The following EPHA6 variants were observed in gnomAD, a reference collection of about 807,000 sequenced individuals.
EPHA6 encodes the protein EPH receptor A6, also known as ephrin type-A receptor 6.
Under a neutral mutation model 112.0 loss-of-function variants are expected in EPHA6, and 50 were observed. That is an observed-to-expected ratio of 0.45 (90% CI 0.36 to 0.56). EPHA6 has a LOEUF of 0.56. Among genes scored for constraint, EPHA6 ranks in the 20% least tolerant of loss-of-function variants. The probability of loss-of-function intolerance (pLI) is 0.00; values close to 1 mark genes in which losing one functional copy is unlikely to be tolerated. For missense variants in EPHA6, 1,280 were observed against 1,417.4 expected (o/e 0.90, Z 1.56); for synonymous variants, 529 against 490.7 (o/e 1.08, Z -1.03).
intron 2 of EPHA6, among the ~76,000 whole-genome samples, chr3:96,952,093 C>G (rs998110743): frequency 6.6e-6 from 1 of 152,066 alleles, no homozygotes; most frequent in Non-Finnish European, 1.5e-5. Context: ...GGTACTTGTC[C>G]TCTTGTTCTC....
At chr3:97,297,694 A>G (rs2080924750) in intron 5 of EPHA6, among the ~76,000 whole-genome samples, 2 of 152,206 alleles carry the variant, frequency 1.3e-5, no homozygotes, top group African/African-American at 4.8e-5. Flanking sequence ...CATGGGAATG[A>G]TATGTTGAAG....
At chr3:96,981,886 G>A (rs1005764030) in intron 2 of EPHA6, among the ~76,000 whole-genome samples, 1 of 152,020 alleles carries the variant, frequency 6.6e-6, no homozygotes, top group Admixed American at 6.6e-5. Context: ...CATTTCTGTG[G>A]GATCAGTGGT....
intron 8 of EPHA6, among the ~76,000 whole-genome samples, chr3:97,477,572 A>C (rs1480431250): frequency 6.6e-6 from 1 of 152,048 alleles, no homozygotes; most frequent in African/African-American, 2.4e-5. Flanking sequence ...AAAAAAGAAA[A>C]TAAAAGTATT....
intron 2 of EPHA6, among the ~76,000 whole-genome samples, chr3:96,941,634 C>T (rs2040955561): frequency 6.6e-6 from 1 of 152,214 alleles, no homozygotes; most frequent in South Asian, 2.1e-4. Context: ...TGTTCCATTG[C>T]TGGTGAGGAA....
At chr3:97,176,154 T>C (rs975910343) in intron 3 of EPHA6, among the ~76,000 whole-genome samples, 1 of 151,864 alleles carries the variant, frequency 6.6e-6, no homozygotes, top group Non-Finnish European at 1.5e-5. Flanking sequence ...TCAATTGAAA[T>C]GATTATGATT....
Position 97,314,074 on chromosome 3 carries a change from T to C in EPHA6, c.1606+69787T>C, listed in dbSNP as rs565101078. Among the ~76,000 whole-genome samples, 14 of 151,596 alleles carry C rather than the reference T, an allele frequency of 9.2e-5. No individual in the cohort carries two copies. In the South Asian group the frequency reaches 2.5e-3, roughly 27 times the overall value. ...GTTTTTATATAATGTTAGTAAGGGT[T>C]CAGTTTCATTCTAATGCATGTAAAT... On this transcript the variant is annotated intron_variant, in intron 5 of 17. Transcript: ENST00000389672.
intron 10 of EPHA6, among the ~76,000 whole-genome samples, chr3:97,499,144 C>T (rs888757558): frequency 6.6e-6 from 1 of 152,174 alleles, no homozygotes; most frequent in African/African-American, 2.4e-5. Flanking sequence ...CTTCTCTTTA[C>T]TCCCCATCCA....
At chr3:97,648,548 C>G in intron 14 of EPHA6, 1 of 1,240,834 alleles carries the variant, frequency 8.1e-7, no homozygotes, top group Non-Finnish European at 1.0e-6. Flanking sequence ...ACTTTAAGAA[C>G]TTTAAGAATA....
intron 5 of EPHA6, among the ~76,000 whole-genome samples, chr3:97,367,778 G>A (rs2084821766): frequency 6.6e-6 from 1 of 151,710 alleles, no homozygotes; most frequent in African/African-American, 2.4e-5. Context: ...ATATTACCAG[G>A]TTAATACAAC....
intron 6 of EPHA6, among the ~76,000 whole-genome samples, chr3:97,412,033 T>C (rs2087752501): frequency 6.6e-6 from 1 of 152,006 alleles, no homozygotes; most frequent in Non-Finnish European, 1.5e-5. Flanking sequence ...CAGGAGAAAG[T>C]CAAAGGGTGA....
At chr3:97,169,906 T>C (rs2108423457) in intron 3 of EPHA6, among the ~76,000 whole-genome samples, 1 of 151,770 alleles carries the variant, frequency 6.6e-6, no homozygotes, top group East Asian at 1.9e-4. Flanking sequence ...TAAGTGGGAG[T>C]TGAACAATGA....
intron 3 of EPHA6, among the ~76,000 whole-genome samples, chr3:97,096,230 AAT>A (rs760876919): frequency 1.3e-4 from 19 of 145,900 alleles, no homozygotes; most frequent in Admixed American, 2.8e-4. Flanking sequence ...AACCTAAGGA[AAT>A]ATATATATAT....
intron 10 of EPHA6, among the ~76,000 whole-genome samples, chr3:97,511,940 A>G (rs891589607): frequency 7.2e-5 from 11 of 152,130 alleles, no homozygotes; most frequent in Admixed American, 6.6e-4. Flanking sequence ...TTGTGGAATT[A>G]TTTCCTTCCT....
intron 3 of EPHA6, among the ~76,000 whole-genome samples, chr3:97,018,803 C>T (rs2044352084): frequency 6.6e-6 from 1 of 152,110 alleles, no homozygotes; most frequent in Admixed American, 6.5e-5. Flanking sequence ...TCTAAACTCC[C>T]CTGGGGAAAG....
intron 14 of EPHA6, among the ~76,000 whole-genome samples, chr3:97,700,172 C>T (rs1482488098): frequency 6.6e-6 from 1 of 152,212 alleles, no homozygotes; most frequent in African/African-American, 2.4e-5. Flanking sequence ...ATGGAGAAAA[C>T]ACGCTTCAAA....
intron 14 of EPHA6, among the ~76,000 whole-genome samples, chr3:97,703,325 A>G (rs62262816): frequency 0.019 from 2,927 of 152,304 alleles, 43 homozygotes; most frequent in Middle Eastern, 0.044. Context: ...GAGCTTTCCC[A>G]CAAATTAGGA....
At chr3:96,934,666 A>C (rs1266698080) in intron 2 of EPHA6, among the ~76,000 whole-genome samples, 1 of 151,326 alleles carries the variant, frequency 6.6e-6, no homozygotes, top group African/African-American at 2.4e-5. Flanking sequence ...TATATTGTTT[A>C]CATTATTTAC....
chr3:97,103,011 A>G (rs148847190), intron 3 of EPHA6, among the ~76,000 whole-genome samples: 4 of 152,106 alleles, frequency 2.6e-5, no homozygotes, highest in Admixed American at 1.3e-4. Flanking sequence ...TATGTTTCTT[A>G]TAGATGCTAG....
chr3:97,439,810 A>T (rs1445462666), intron 6 of EPHA6, among the ~76,000 whole-genome samples: 4 of 152,148 alleles, frequency 2.6e-5, no homozygotes, highest in Non-Finnish European at 5.9e-5. Context: ...CTGGTAGATT[A>T]TAGTTAGATC....
Sources: allele counts gnomAD v4.1 joint callset (sites outside exome capture counted in the v4.1 genomes callset), GRCh38; gene constraint gnomAD v4.1.1; transcripts MANE v1.5; gene names NCBI Gene and HGNC (gene_info 2026-07-23, HGNC 2026-07-21).